Variants in LYST observed in about 807,000 individuals in gnomAD.
LYST encodes lysosomal-trafficking regulator.
Under a neutral mutation model 413.6 loss-of-function variants are expected in LYST, and 192 were observed. The observed-to-expected ratio is 0.46, with a 90% confidence interval of 0.41 to 0.52. The LOEUF (loss-of-function observed/expected upper bound fraction) is 0.52, where lower values mean the gene tolerates loss of function less well. LYST is among the 20% of genes least tolerant of loss of function. LYST has a pLI of 0.00. For synonymous variants in LYST, 1,525 were observed against 1,567.3 expected (o/e 0.97, Z 0.64); for missense variants, 3,815 against 4,499.9 (o/e 0.85, Z 4.35).
chr1:235,669,806 T>C (rs2103020088), intron 50 of LYST, among the ~76,000 whole-genome samples: 1 of 152,364 alleles, frequency 6.6e-6, no homozygotes, highest in East Asian at 1.9e-4. Context: ...TGTTGCTTCA[T>C]GCTTTCTTTG....
In LYST at chr1:235,759,614, T is replaced by G; in HGVS notation, c.6254-15A>C. ...GGAATTCTCTCCTGGTAAGAGTAGA[T>G]ACAAAAATACTACTTAAAAATCTAT... On this transcript the variant is annotated splice_polypyrimidine_tract_variant and intron_variant, in intron 22 of 52. Transcript: ENST00000389793. The G allele has an allele frequency of 3.8e-6, 6 of 1,595,670 alleles. No individual in the cohort carries two copies. Among genetic ancestry groups the G allele is most frequent in the Non-Finnish European group, 5.2e-6 (6 of 1,163,616 alleles).
At chr1:235,691,108 C>T (rs1047671553) in intron 47 of LYST, among the ~76,000 whole-genome samples, 3 of 151,804 alleles carry the variant, frequency 2.0e-5, no homozygotes, top group Non-Finnish European at 2.9e-5. Context: ...TTAGTAGAGA[C>T]GGGGTTTCAC....
At chr1:235,882,292 A>G (rs958789807) in intron 1 of LYST, among the ~76,000 whole-genome samples, 1 of 152,212 alleles carries the variant, frequency 6.6e-6, no homozygotes, top group African/African-American at 2.4e-5. Flanking sequence ...TTAGGAGAAC[A>G]GCAGGTAATC....
chr1:235,853,816 G>A (rs1678841168), intron 1 of LYST, among the ~76,000 whole-genome samples: 1 of 152,082 alleles, frequency 6.6e-6, no homozygotes, highest in Admixed American at 6.6e-5. Flanking sequence ...TTCAGAGGAA[G>A]TCACACTAAA....
intron 26 of LYST, among the ~76,000 whole-genome samples, 187 bp from the exon 27 acceptor site, chr1:235,752,358 T>C (rs964135407): frequency 6.6e-6 from 1 of 152,138 alleles, no homozygotes; most frequent in Admixed American, 6.5e-5. Context: ...ATGCTAGAAA[T>C]AGAAATAAGA....
chr1:235,778,204 C>A (rs1024672255), intron 16 of LYST, among the ~76,000 whole-genome samples: 1 of 150,336 alleles, frequency 6.7e-6, no homozygotes, highest in African/African-American at 2.5e-5. Flanking sequence ...CCTGTGCCTC[C>A]CAGAGTGCTG....
chr1:235,738,717 G>A lies in LYST; in HGVS notation c.8358+2705C>T, dbSNP rs537019684. The stretch of plus-strand genomic sequence containing the variant: ...CAAGCAGGTGGTTGAGAGTGCTTAC[G>A]AGGTGATCAAACTCAAAGGCTACAC... On this transcript the variant is annotated intron_variant, in intron 31 of 52. Coordinates refer to ENST00000389793, the MANE Select transcript of LYST (RefSeq NM_000081.4). 1.1e-3 allele frequency: 1,770 copies of A among 1,566,952 alleles called. 1 individual carries two copies. The highest frequency in any genetic ancestry group is 1.4e-3 in the Non-Finnish European group (1,610 of 1,138,868).
intron 1 of LYST, among the ~76,000 whole-genome samples, chr1:235,873,294 T>C (rs1681015692): frequency 6.6e-6 from 1 of 152,244 alleles, no homozygotes; most frequent in Admixed American, 6.5e-5. Flanking sequence ...CATAGTGTTC[T>C]ACTTTCATAT....
Position 235,854,183 on chromosome 1 carries a change from T to A in LYST, c.-98+12660A>T, listed in dbSNP as rs976055011. On this transcript the variant is annotated intron_variant, in intron 1 of 52. Coordinates refer to ENST00000389793, the MANE Select transcript of LYST (RefSeq NM_000081.4). The surrounding 1 kb of genome is among the most constrained non-coding windows in gnomAD (Gnocchi z 4.1). The stretch of plus-strand genomic sequence containing the variant: ...AATTACTACACATCAGGCACTATTG[T>A]AAGCACTCTAGGTAAGTAGAGTAGT... Among the ~76,000 whole-genome samples, 7 of 152,188 alleles carry A rather than the reference T, an allele frequency of 4.6e-5. No individual in the cohort carries two copies. Among genetic ancestry groups the A allele is most frequent in the Non-Finnish European group, 8.8e-5 (6 of 68,036 alleles).
intron 2 of LYST, among the ~76,000 whole-genome samples, chr1:235,830,774 A>G (rs1051248896): frequency 3.9e-5 from 6 of 152,198 alleles, no homozygotes; most frequent in Non-Finnish European, 5.9e-5. Context: ...CTTGCTTTAT[A>G]TATTTTATAA....
intron 19 of LYST, among the ~76,000 whole-genome samples, chr1:235,771,149 C>A (rs1668625778): frequency 6.6e-6 from 1 of 152,084 alleles, no homozygotes; most frequent in Non-Finnish European, 1.5e-5. Context: ...CCAAGATATT[C>A]TAAAAGACAA....
intron 48 of LYST, among the ~76,000 whole-genome samples, chr1:235,678,394 C>T (rs142736134): frequency 1.1e-3 from 161 of 152,228 alleles, no homozygotes; most frequent in African/African-American, 3.6e-3. Flanking sequence ...ATGTTACCAA[C>T]GGTAATGGGC....
Position 235,720,765 on chromosome 1 carries a change from A to T in LYST, c.9456T>A (p.His3152Gln). The T allele has an allele frequency of 6.2e-7, 1 of 1,614,154 alleles. No individual in the cohort carries two copies. The highest frequency in any genetic ancestry group is 1.1e-5 in the South Asian group (1 of 91,080). Residue 3152 changes from histidine (H) to glutamine (Q), a missense_variant, in exon 40 of 53, where the codon CAT becomes CAA. His to Gln is a conservative substitution (Grantham distance 24). Around this residue, in one of 4 missense-constraint regions of LYST, gnomAD observed 866 missense variants for 1,156.0 expected, o/e 0.75. Coordinates refer to ENST00000389793, the MANE Select transcript of LYST (RefSeq NM_000081.4). ...NFEYLTHLNK[H>Q]AGRSFNDLMQ... ...TGAGATCATTGAAGGATCGGCCAGC[A>T]TGTTTGTTTAAGTGAGTCAAATATT...
intron 31 of LYST, among the ~76,000 whole-genome samples, chr1:235,739,991 C>T (rs1023672155): frequency 6.6e-6 from 1 of 152,072 alleles, no homozygotes; most frequent in African/African-American, 2.4e-5. Flanking sequence ...CTGTTAACAC[C>T]GCAGTTGAAT....
Position 235,710,092 on chromosome 1 carries a change from A to T in LYST, c.9926-784T>A, listed in dbSNP as rs12074720. 6.4e-3 allele frequency among the ~76,000 whole-genome samples: 971 copies of T among 152,356 alleles called. 8 individuals are homozygous for T. The highest frequency in any genetic ancestry group is 0.022 in the African/African-American group (922 of 41,582). Reference sequence around the variant, plus strand: ...CTGAACACCATAACAAAAATTAAAAATGACCTTTTAAAAGCTGATTAAGTT... The same window carrying T: ...CTGAACACCATAACAAAAATTAAAATTGACCTTTTAAAAGCTGATTAAGTT... On this transcript the variant is annotated intron_variant, in intron 43 of 52. Coordinates refer to ENST00000389793, the MANE Select transcript of LYST (RefSeq NM_000081.4).
chr1:235,800,766 A>T, intron 9 of LYST, 105 bp downstream of exon 9: 1 of 783,194 alleles, frequency 1.3e-6, no homozygotes, highest in Non-Finnish European at 2.1e-6. Flanking sequence ...AAGATAAGTA[A>T]TCATCTCAAA....
Position 235,723,950 on chromosome 1 carries a change from A to C in LYST, c.9315+78T>G. 3 of 1,223,942 alleles carry C rather than the reference A, an allele frequency of 2.5e-6. No homozygotes were observed. The South Asian group carries it at 3.6e-5, about 15-fold the overall frequency. The allele number at this position is 1,223,942 out of a possible 1,614,324, so 75.8% of individuals were successfully genotyped here. On this transcript the variant is annotated intron_variant, in intron 39 of 52. Transcript: ENST00000389793. ...TTTTATTCGATTTCAGTAAACCTTCATGTAATCAGTATGAGTATAGTTACA... is the reference window on the plus strand; with the variant it reads ...TTTTATTCGATTTCAGTAAACCTTCCTGTAATCAGTATGAGTATAGTTACA...
intron 1 of LYST, chr1:235,853,031 C>T (rs1678726938): frequency 1.2e-5 from 2 of 170,380 alleles, no homozygotes; most frequent in Non-Finnish European, 2.9e-5. Flanking sequence ...TCTGTGTGGA[C>T]AGGACAGAAA....
At chr1:235,682,634 T>G (rs1210693136) in intron 48 of LYST, among the ~76,000 whole-genome samples, 1 of 152,088 alleles carries the variant, frequency 6.6e-6, no homozygotes, top group East Asian at 1.9e-4. Flanking sequence ...ACCATAGAAA[T>G]GTAGTCGGAT....
Sources: gnomAD v4.1 joint callset for allele counts (sites outside exome capture counted in the v4.1 genomes callset) on GRCh38, gnomAD v4.1.1 for gene constraint, gnomAD v4.1.1 regional missense constraint, Gnocchi (gnomAD v3.1) non-coding constraint, MANE v1.5 for transcripts, NCBI Gene and HGNC (gene_info 2026-07-23, HGNC 2026-07-21) for gene names.